The following VPS37A variants were observed in gnomAD, a reference collection of about 807,000 sequenced individuals.
VPS37A encodes VPS37A subunit of ESCRT-I.
Under a neutral mutation model 49.8 loss-of-function variants are expected in VPS37A, and 30 were observed. That is an observed-to-expected ratio of 0.60 (90% CI 0.45 to 0.82). The LOEUF (loss-of-function observed/expected upper bound fraction) is 0.82, where lower values mean the gene tolerates loss of function less well. Among genes scored for constraint, VPS37A ranks in the 40% least tolerant of loss-of-function variants. VPS37A has a pLI of 0.00. For missense variants in VPS37A, 593 were observed against 464.4 expected (o/e 1.28, Z -2.55); for synonymous variants, 195 against 160.6 (o/e 1.21, Z -1.62).
At position 17,268,941 on chromosome 8, in the gene VPS37A, C is replaced by T. The variant is rs978653060; in HGVS notation, c.401C>T (p.Ser134Leu). Residue 134 changes from serine to leucine, a missense_variant, in exon 4 of 12, where the codon TCA becomes TTA. Transcript: ENST00000324849. The part of the protein sequence containing the change: ...WKNPPVLAPT[S>L]TAFPYLYSNP... ...AATCCTCCAGTTTTAGCTCCTACTT[C>T]AACAGCATTTCCTTAGTAAGTATAT... The T allele has an allele frequency of 6.2e-7, 1 of 1,604,616 alleles. No individual in the cohort carries two copies. Among genetic ancestry groups the T allele is most frequent in the Non-Finnish European group, 8.5e-7 (1 of 1,176,144 alleles).
chr8:17,274,659 A>T, intron 4 of VPS37A, 74 bp from the exon 5 acceptor site: 1 of 1,234,674 alleles, frequency 8.1e-7, no homozygotes, highest in Non-Finnish European at 1.1e-6. Context: ...TTTGTTATTT[A>T]GAACAATTTA....
downstream of VPS37A, among the ~76,000 whole-genome samples, chr8:17,306,352 G>A (rs74769032): frequency 5.3e-3 from 808 of 151,536 alleles, 9 homozygotes; most frequent in African/African-American, 0.018. Flanking sequence ...CATTTTTTGC[G>A]CTGTTTTGTT....
downstream of VPS37A, among the ~76,000 whole-genome samples, chr8:17,302,590 T>C (rs1487820873): frequency 1.3e-5 from 2 of 151,642 alleles, no homozygotes; most frequent in East Asian, 3.9e-4. Flanking sequence ...GCTCTTAGTT[T>C]TGAACTTTGA....
chr8:17,295,392 T>C lies in VPS37A; in HGVS notation c.*406T>C, dbSNP rs1180834983. 1.3e-5 allele frequency: 2 copies of C among 152,632 alleles called. No individual in the cohort carries two copies. The highest frequency in any genetic ancestry group is 2.4e-5 in the African/African-American group (1 of 41,456). 9.5% of individuals were successfully genotyped at this position (152,632 alleles called of 1,614,324 possible). A position where few individuals can be genotyped will look rare whatever the true frequency, so the allele number is the denominator to read the frequency against. On this transcript the variant is annotated 3_prime_UTR_variant, in exon 12 of 12. Transcript: ENST00000324849. ...AGATTTTTTTCCTCTTAACCTTTTT[T>C]CAAAAACTATTTTCAACTGTGAGGA...
At chr8:17,263,155 A>G (rs1221437711) in intron 1 of VPS37A, among the ~76,000 whole-genome samples, 4 of 152,180 alleles carry the variant, frequency 2.6e-5, no homozygotes, top group Non-Finnish European at 5.9e-5. Context: ...AAATTGATGT[A>G]CAGTGTAATT....
chr8:17,281,826 G>GA (rs1205514569), intron 9 of VPS37A, among the ~76,000 whole-genome samples: 3 of 152,024 alleles, frequency 2.0e-5, no homozygotes, highest in Non-Finnish European at 4.4e-5. Context: ...AAAGTACTTA[G>GA]AAGTAAACCC....
downstream of VPS37A, chr8:17,298,082 C>T (rs548629732): frequency 8.6e-5 from 13 of 151,964 alleles, no homozygotes; most frequent in East Asian, 3.9e-4. Flanking sequence ...CACTGTCAAA[C>T]GGAAGAAATT....
At chr8:17,262,973 A>G (rs1044769282) in intron 1 of VPS37A, among the ~76,000 whole-genome samples, 4 of 151,718 alleles carry the variant, frequency 2.6e-5, no homozygotes, top group Admixed American at 6.6e-5. Context: ...AGGCAGGAGA[A>G]TCGGTTGAAC....
At chr8:17,327,897 T>C in the VPS37A span, among the ~76,000 whole-genome samples, 1 of 152,242 alleles carries the variant, frequency 6.6e-6, no homozygotes, top group African/African-American at 2.4e-5. Context: ...TGCTTTTTCA[T>C]CTATACAGTA....
At chr8:17,283,568 C>T (rs1272371870) in intron 9 of VPS37A, among the ~76,000 whole-genome samples, 3 of 152,274 alleles carry the variant, frequency 2.0e-5, no homozygotes, top group Admixed American at 6.5e-5. Context: ...CTTTGCCTGT[C>T]GATAATCCAG....
intron 1 of VPS37A, among the ~76,000 whole-genome samples, chr8:17,252,391 G>A (rs58175085): frequency 2.0e-5 from 3 of 152,234 alleles, no homozygotes; most frequent in East Asian, 1.9e-4. Flanking sequence ...GCCCAGGCTT[G>A]TCTCTCAAAC....
chr8:17,247,649 T>G (rs766839256), intron 1 of VPS37A: 14 of 704,256 alleles, frequency 2.0e-5, no homozygotes, highest in South Asian at 1.8e-4. Flanking sequence ...TCAATCTCTC[T>G]CATAGTCTAT....
chr8:17,250,719 C>G (rs906556736), intron 1 of VPS37A, among the ~76,000 whole-genome samples: 7 of 152,080 alleles, frequency 4.6e-5, no homozygotes, highest in Admixed American at 1.3e-4. Flanking sequence ...TGATTGTGAA[C>G]TTTTTAGTTG....
At chr8:17,264,794 C>T (rs781086531) in intron 1 of VPS37A, among the ~76,000 whole-genome samples, 1 of 152,184 alleles carries the variant, frequency 6.6e-6, no homozygotes, top group Non-Finnish European at 1.5e-5. Flanking sequence ...TCTGCAACCT[C>T]ACCTCATTAA....
At chr8:17,308,490 A>T in the VPS37A span, among the ~76,000 whole-genome samples, 1 of 152,238 alleles carries the variant, frequency 6.6e-6, no homozygotes, top group African/African-American at 2.4e-5. Context: ...CTACAAAAAT[A>T]TACTTGAGCA....
At chr8:17,326,043 T>A in the VPS37A span, among the ~76,000 whole-genome samples, 1 of 152,348 alleles carries the variant, frequency 6.6e-6, no homozygotes, top group South Asian at 2.1e-4. Flanking sequence ...TACATTGCTT[T>A]ACAAATACAG....
In VPS37A at chr8:17,246,987, G is replaced by A; in HGVS notation, c.-258G>A. Reference sequence around the variant, plus strand: ...GGCGGCCAGGCTCCCTGGCTGGCCGGTTTGGGCGTCTGGGCCGTGAAGGTG... The same window carrying A: ...GGCGGCCAGGCTCCCTGGCTGGCCGATTTGGGCGTCTGGGCCGTGAAGGTG... On this transcript the variant is annotated 5_prime_UTR_variant, in exon 1 of 12. Coordinates refer to ENST00000324849, the MANE Select transcript of VPS37A (RefSeq NM_152415.3). The A allele has an allele frequency of 6.0e-6, 3 of 501,254 alleles. No individual in the cohort carries two copies. The highest frequency in any genetic ancestry group is 5.4e-4 in the Middle Eastern group (1 of 1,856). The allele number at this position is 501,254 out of a possible 1,614,324, so 31.1% of individuals were successfully genotyped here. A position where few individuals can be genotyped will look rare whatever the true frequency, so the allele number is the denominator to read the frequency against.
chr8:17,285,851 C>A (rs531749361), intron 10 of VPS37A, among the ~76,000 whole-genome samples: 2 of 152,256 alleles, frequency 1.3e-5, no homozygotes, highest in African/African-American at 4.8e-5. Flanking sequence ...TATAAAGGAT[C>A]AGTGTTTTTT....
intron 1 of VPS37A, among the ~76,000 whole-genome samples, chr8:17,248,951 T>C (rs1320091542): frequency 6.6e-6 from 1 of 152,232 alleles, no homozygotes; most frequent in Non-Finnish European, 1.5e-5. Flanking sequence ...TCTCACAAGG[T>C]ATGCTTATAA....
Sources: gnomAD v4.1 joint callset for allele counts (sites outside exome capture counted in the v4.1 genomes callset) on GRCh38, gnomAD v4.1.1 for gene constraint, MANE v1.5 for transcripts, NCBI Gene and HGNC (gene_info 2026-07-23, HGNC 2026-07-21) for gene names.